The following MAN1A1 variants were observed in gnomAD, a reference collection of about 807,000 sequenced individuals.
MAN1A1 encodes mannosyl-oligosaccharide 1,2-alpha-mannosidase IA.
MAN1A1 carries 29 observed loss-of-function variants against 70.8 expected under a neutral mutation model. That is an observed-to-expected ratio of 0.41 (90% confidence interval 0.31 to 0.56). MAN1A1 has a LOEUF of 0.56. MAN1A1 is among the 20% of genes least tolerant of loss of function. MAN1A1 has a pLI of 0.29. For missense variants in MAN1A1, 747 were observed against 841.3 expected, an observed-to-expected ratio of 0.89 and a Z score of 1.39; for synonymous variants, 349 against 330.1, an observed-to-expected ratio of 1.06 and a Z score of -0.62.
At chr6:119,227,626 T>C (rs1774554517) in intron 6 of MAN1A1, among the ~76,000 whole-genome samples, 1 of 152,126 alleles carries the variant, frequency 6.6e-6, no homozygotes, top group Non-Finnish European at 1.5e-5. Flanking sequence ...CACACCACCA[T>C]GAGCAGCTAT....
chr6:119,193,871 A>T lies in MAN1A1; in HGVS notation c.1232T>A (p.Leu411His), dbSNP rs766079323. Residue 411 changes from leucine (L) to histidine (H), a missense_variant, in exon 9 of 13, where the codon CTT (leucine) becomes CAT (histidine). By Grantham distance (99) the Leu-to-His change is moderately conservative (BLOSUM62 -3). This residue lies in a region of MAN1A1 where 419 missense variants were observed against 548.2 expected (regional missense o/e 0.76). Transcript: ENST00000368468. ...CAAATACTCATAGAAGCTGTCTCCAAGTCCTCCAACTGATACATGATCTGG... is the reference window on the plus strand; with the variant it reads ...CAAATACTCATAGAAGCTGTCTCCATGTCCTCCAACTGATACATGATCTGG... The part of the protein sequence containing the change: ...WGQHHVSVGG[L>H]GDSFYEYLLK... 6.2e-7 allele frequency: 1 copy of T among 1,611,860 alleles called. No individual in the cohort carries two copies. Among genetic ancestry groups the T allele is most frequent in the Non-Finnish European group, 8.5e-7 (1 of 1,178,324 alleles).
chr6:119,326,365 C>T (rs1304649635), intron 2 of MAN1A1, among the ~76,000 whole-genome samples: 1 of 152,202 alleles, frequency 6.6e-6, no homozygotes, highest in Admixed American at 6.5e-5. Context: ...ACCTGTATAG[C>T]GTCAGCAGGA....
intron 2 of MAN1A1, among the ~76,000 whole-genome samples, chr6:119,326,394 A>G (rs149657965): frequency 6.6e-5 from 10 of 152,342 alleles, no homozygotes; most frequent in African/African-American, 2.4e-4. Context: ...CCTTTTACAG[A>G]CAATAGTGGT....
At chr6:119,284,179 T>G (rs982500955) in intron 5 of MAN1A1, among the ~76,000 whole-genome samples, 2 of 152,160 alleles carry the variant, frequency 1.3e-5, no homozygotes, top group Non-Finnish European at 2.9e-5. Flanking sequence ...TGACATATAG[T>G]TGGCACTCAT....
At chr6:119,261,124 G>A (rs578150912) in intron 5 of MAN1A1, among the ~76,000 whole-genome samples, 1 of 151,732 alleles carries the variant, frequency 6.6e-6, no homozygotes, top group South Asian at 2.1e-4. Flanking sequence ...GACTACAGGC[G>A]CCTGCCACCA....
At chr6:119,293,508 T>C (rs1480101141) in intron 4 of MAN1A1, among the ~76,000 whole-genome samples, 2 of 152,056 alleles carry the variant, frequency 1.3e-5, no homozygotes, top group East Asian at 3.9e-4. Flanking sequence ...TGTCCTTGTC[T>C]TTAATAAATC....
At chr6:119,222,475 T>G (rs936688503) in intron 6 of MAN1A1, among the ~76,000 whole-genome samples, 1 of 151,846 alleles carries the variant, frequency 6.6e-6, no homozygotes, top group Non-Finnish European at 1.5e-5. Flanking sequence ...TACAGGCATA[T>G]GCCACCATGG....
At chr6:119,260,882 C>T (rs1302630003) in intron 5 of MAN1A1, among the ~76,000 whole-genome samples, 1 of 151,242 alleles carries the variant, frequency 6.6e-6, no homozygotes, top group Non-Finnish European at 1.5e-5. Context: ...GCAAATGCCT[C>T]TTTAGAATAC....
rs1460646311 is a variant in MAN1A1, at chr6:119,302,079, A to G, written c.725T>C (p.Val242Ala). 1 of 1,602,128 alleles carries G rather than the reference A, an allele frequency of 6.2e-7. No homozygotes were observed. The highest frequency in any genetic ancestry group is 1.3e-5 in the African/African-American group (1 of 74,670). The change falls in exon 4 of 13, where the codon GTA becomes GCA. Residue 242 changes from valine (V) to alanine (A), a missense_variant. Coordinates refer to ENST00000368468, the MANE Select transcript of MAN1A1 (RefSeq NM_005907.4). The stretch of plus-strand genomic sequence containing the variant: ...AATAAAAAGTGTATCCAGGGCATCT[A>G]CTATAGTTGCTCCTTTGATGTTACC... ...LFGNIKGATIVDALDTLFIME... is the reference protein window; with the variant it reads ...LFGNIKGATIADALDTLFIME...
At chr6:119,336,956 A>G (rs1366101067) in intron 2 of MAN1A1, among the ~76,000 whole-genome samples, 1 of 150,808 alleles carries the variant, frequency 6.6e-6, no homozygotes, top group Non-Finnish European at 1.5e-5. Context: ...AACATATCTA[A>G]AAAAAAAATA....
At chr6:119,192,228 T>C (rs1419140662) in intron 9 of MAN1A1, among the ~76,000 whole-genome samples, 1 of 152,126 alleles carries the variant, frequency 6.6e-6, no homozygotes, top group Admixed American at 6.5e-5. Context: ...GCCAGTATGG[T>C]AATTAGAGGA....
intron 5 of MAN1A1, among the ~76,000 whole-genome samples, chr6:119,274,836 CTA>C (rs1363451196): frequency 2.6e-5 from 4 of 152,014 alleles, no homozygotes; most frequent in Non-Finnish European, 5.9e-5. Context: ...CCATTTTACT[CTA>C]TTGATGAAAA....
chr6:119,297,266 T>C (rs1772240934), intron 4 of MAN1A1, among the ~76,000 whole-genome samples: 1 of 152,174 alleles, frequency 6.6e-6, no homozygotes, highest in Non-Finnish European at 1.5e-5. Flanking sequence ...TGTAACTATA[T>C]AAACAGATGA....
chr6:119,253,956 A>C (rs3798616), intron 5 of MAN1A1, among the ~76,000 whole-genome samples: 112,682 of 152,048 alleles, frequency 0.74, 42,219 homozygotes, highest in Non-Finnish European at 0.81. Context: ...CAAATCATAC[A>C]CGAGACTGAA....
At chr6:119,337,408 T>C (rs538476735) in intron 2 of MAN1A1, among the ~76,000 whole-genome samples, 1 of 152,328 alleles carries the variant, frequency 6.6e-6, no homozygotes, top group East Asian at 1.9e-4. Flanking sequence ...CCTGTAGGCA[T>C]GTTTATTTCA....
chr6:119,320,039 T>A (rs987466052), intron 2 of MAN1A1, among the ~76,000 whole-genome samples: 6 of 152,174 alleles, frequency 3.9e-5, no homozygotes, highest in Admixed American at 1.3e-4. Flanking sequence ...AGTGGCACAA[T>A]CTTGGCTCAG....
intron 2 of MAN1A1, among the ~76,000 whole-genome samples, chr6:119,318,647 G>A (rs1772919258): frequency 6.6e-6 from 1 of 152,082 alleles, no homozygotes; most frequent in South Asian, 2.1e-4. Context: ...TGAAAACCTT[G>A]CAGATACAGG....
In MAN1A1 at chr6:119,179,180, C is replaced by T. The variant is rs947337396; in HGVS notation, c.*639G>A. On this transcript the variant is annotated 3_prime_UTR_variant, in exon 13 of 13. Coordinates refer to ENST00000368468, the MANE Select transcript of MAN1A1 (RefSeq NM_005907.4). ...AATAGAAAACACTAATATAATTAACCAACAAAAATATACTGCAGTTCCGAT... is the reference window on the plus strand; with the variant it reads ...AATAGAAAACACTAATATAATTAACTAACAAAAATATACTGCAGTTCCGAT... 6.6e-6 allele frequency: 1 copy of T among 152,300 alleles called. No homozygotes were observed. The highest frequency in any genetic ancestry group is 6.5e-5 in the Admixed American group (1 of 15,272). 9.4% of individuals were successfully genotyped at this position (152,300 alleles called of 1,614,324 possible). A position where few individuals can be genotyped will look rare whatever the true frequency, so the allele number is the denominator to read the frequency against.
At position 119,256,413 on chromosome 6, in the gene MAN1A1, TA is replaced by T. The variant is rs376834084; in HGVS notation, c.898-8060del. On this transcript the variant is annotated intron_variant, in intron 5 of 12. Transcript: ENST00000368468. ...ATGAATGAATAAAATTGTATCTCAT[TA>T]TTTTTTTTTTTTTCATGAGAGAGGA... 1.6e-4 allele frequency among the ~76,000 whole-genome samples: 19 copies of T among 115,908 alleles called. 1 individual carries two copies. Among genetic ancestry groups the T allele is most frequent in the East Asian group, 4.2e-4 (1 of 2,408 alleles). The allele number at this position is 115,908 out of a possible 152,430, so 76.0% of individuals were successfully genotyped here. A position where few individuals can be genotyped will look rare whatever the true frequency, so the allele number is the denominator to read the frequency against.
Sources: allele counts gnomAD v4.1 joint callset (sites outside exome capture counted in the v4.1 genomes callset), GRCh38; gene constraint gnomAD v4.1.1; regional missense constraint gnomAD v4.1.1; transcripts MANE v1.5; gene names NCBI Gene and HGNC (gene_info 2026-07-23, HGNC 2026-07-21).